FANCI: variants seen among roughly 807,000 people sequenced by gnomAD.
FANCI encodes the protein Fanconi anemia group I protein.
In FANCI, 156 loss-of-function variants were observed where a neutral mutation model predicts 176.1. That is an observed-to-expected ratio of 0.89 (90% CI 0.78 to 1.01). The LOEUF (loss-of-function observed/expected upper bound fraction) is 1.01. FANCI is among the 50% of genes least tolerant of loss of function. The pLI is 0.00. For missense variants in FANCI, 1,678 were observed against 1,534.1 expected (o/e 1.09, Z -1.57); for synonymous variants, 613 against 541.7 (o/e 1.13, Z -1.83).
At chr15:89,267,331 A>AT (rs2053007934) in intron 9 of FANCI, among the ~76,000 whole-genome samples, 13 of 145,112 alleles carry the variant, frequency 9.0e-5, no homozygotes, top group African/African-American at 3.4e-4. Flanking sequence ...AAAAAAAAAA[A>AT]ATTTTTTTTT....
chr15:89,304,719 A>T (rs1352704536), intron 28 of FANCI, among the ~76,000 whole-genome samples: 1 of 149,408 alleles, frequency 6.7e-6, no homozygotes, highest in African/African-American at 2.5e-5. Context: ...CTGGTTAGGC[A>T]CTCCACCCCA....
intron 16 of FANCI, chr15:89,282,354 ATTGT>A: frequency 1.8e-5 from 3 of 166,810 alleles, no homozygotes; most frequent in Admixed American, 1.1e-4. Flanking sequence ...GATCAAATTA[ATTGT>A]TGAGGGGAAT....
At chr15:89,316,020 GCA>G (rs1197488880) in intron 37 of FANCI, among the ~76,000 whole-genome samples, 2 of 152,178 alleles carry the variant, frequency 1.3e-5, no homozygotes, top group Admixed American at 6.6e-5. Flanking sequence ...TTTTGAACAT[GCA>G]TTCTTCAGAT....
At chr15:89,300,113 C>T (rs1022565040) in intron 25 of FANCI, 147 bp downstream of exon 25, 119 of 1,042,696 alleles carry the variant, frequency 1.1e-4, no homozygotes, top group Non-Finnish European at 1.7e-4. Flanking sequence ...AGGATTGGTA[C>T]CTACTGGATT....
At chr15:89,253,431 T>C (rs919226655) in intron 2 of FANCI, among the ~76,000 whole-genome samples, 5 of 152,122 alleles carry the variant, frequency 3.3e-5, no homozygotes, top group African/African-American at 1.2e-4. Flanking sequence ...GGAAGATCGC[T>C]TGAGCCACGA....
chr15:89,256,636 A>G (rs1308155544), intron 2 of FANCI, among the ~76,000 whole-genome samples: 1 of 151,708 alleles, frequency 6.6e-6, no homozygotes, highest in Non-Finnish European at 1.5e-5. Context: ...TCTTTCCTGG[A>G]TGGTCTCATC....
At chr15:89,290,187 T>C in intron 18 of FANCI, 26 bp from the exon 19 acceptor site, 2 of 1,585,792 alleles carry the variant, frequency 1.3e-6, no homozygotes, top group Non-Finnish European at 1.7e-6. Context: ...TTAAAGTGCT[T>C]ATTTCTTCTC....
rs368128375 is a variant in FANCI at position 89,294,058 on chromosome 15, G to A, written c.2456+61G>A. 33 of 1,565,418 alleles carry A rather than the reference G, an allele frequency of 2.1e-5. No homozygotes were observed. In the African/African-American group the frequency reaches 4.2e-4, roughly 20 times the overall value. On this transcript the variant is annotated intron_variant, in intron 23 of 37. Coordinates refer to ENST00000310775, the MANE Select transcript of FANCI (RefSeq NM_001113378.2). ...CCCTGAGGATCGTATACCTACCTAGGCTCACTTGTTTCACCTCGTTTGGAT... is the reference window on the plus strand; with the variant it reads ...CCCTGAGGATCGTATACCTACCTAGACTCACTTGTTTCACCTCGTTTGGAT...
chr15:89,247,350 A>G (rs556688959), intron 1 of FANCI, among the ~76,000 whole-genome samples: 2 of 152,344 alleles, frequency 1.3e-5, no homozygotes, highest in South Asian at 4.1e-4. Context: ...GATGGTAACA[A>G]GTGTGGGCAA....
chr15:89,308,231 G>A (rs547516224), intron 34 of FANCI: 39 of 971,328 alleles, frequency 4.0e-5, no homozygotes, highest in Middle Eastern at 5.3e-4. Context: ...GACCTGTTCT[G>A]TGCATTTTGG....
At chr15:89,300,208 CTTTT>C in intron 25 of FANCI, 88 bp from the exon 26 acceptor site, 9 of 1,291,020 alleles carry the variant, frequency 7.0e-6, no homozygotes, top group Non-Finnish European at 9.9e-6. Flanking sequence ...TGCCTTTAGA[CTTTT>C]TTTTGGCTTT....
Position 89,316,812 on chromosome 15 carries a change from A to G in FANCI, c.*353A>G. ...TTTGGTGAGTTCAATTATCTGGTAAATATCCAGCGCTTCACCTGAAAGATA... is the reference window on the plus strand; with the variant it reads ...TTTGGTGAGTTCAATTATCTGGTAAGTATCCAGCGCTTCACCTGAAAGATA... On this transcript the variant is annotated 3_prime_UTR_variant, in exon 38 of 38. Transcript: ENST00000310775. The G allele has an allele frequency of 6.2e-7, 1 of 1,613,750 alleles. No individual in the cohort carries two copies. Among genetic ancestry groups the G allele is most frequent in the Non-Finnish European group, 8.5e-7 (1 of 1,179,662 alleles).
chr15:89,277,009 G>T, intron 13 of FANCI, 118 bp downstream of exon 13: 1 of 983,510 alleles, frequency 1.0e-6, no homozygotes, highest in East Asian at 2.4e-5. Context: ...GTTTGACAGA[G>T]GATATATGAC....
intron 18 of FANCI, among the ~76,000 whole-genome samples, chr15:89,287,319 T>A (rs2053858805): frequency 6.6e-6 from 1 of 152,200 alleles, no homozygotes; most frequent in African/African-American, 2.4e-5. Context: ...TTAAACCTCA[T>A]GAACCAACCT....
At chr15:89,308,253 G>C in intron 34 of FANCI, 1 of 836,954 alleles carries the variant, frequency 1.2e-6, no homozygotes, top group Non-Finnish European at 1.4e-6. Context: ...ATGTTGAGTA[G>C]CATCCCTGGC....
chr15:89,315,328 A>G lies in FANCI; in HGVS notation c.3863A>G (p.Lys1288Arg), dbSNP rs2055185271. The G allele has an allele frequency of 6.2e-7, 1 of 1,614,120 alleles. No individual in the cohort carries two copies. Among genetic ancestry groups the G allele is most frequent in the Non-Finnish European group, 8.5e-7 (1 of 1,179,968 alleles). The change falls in exon 37 of 38, where the codon AAG becomes AGG. Residue 1288 changes from lysine (K) to arginine (R), a missense_variant. Physicochemically the swap from Lys to Arg is conservative, Grantham distance 26. This residue lies in a region of FANCI where 1,204 missense variants were observed against 1,077.4 expected (regional missense o/e 1.12). Transcript: ENST00000310775. Reference protein sequence around the residue: ...HMKLSTSRDFKIKGNILDMVL... With the variant: ...HMKLSTSRDFRIKGNILDMVL... ...AAGCTCAGCACCTCACGAGACTTCA[A>G]GATCAAAGGAAACATCCTAGACATG...
chr15:89,257,431 G>A (rs1173536873), intron 2 of FANCI, among the ~76,000 whole-genome samples: 1 of 152,186 alleles, frequency 6.6e-6, no homozygotes, highest in Admixed American at 6.5e-5. Flanking sequence ...TGTTGTCAGG[G>A]TTGGTTCCTT....
intron 2 of FANCI, among the ~76,000 whole-genome samples, chr15:89,252,645 C>A (rs934798660): frequency 9.2e-5 from 14 of 152,136 alleles, no homozygotes; most frequent in African/African-American, 3.1e-4. Flanking sequence ...GAGGCTGAGG[C>A]AGGAGAATTG....
chr15:89,268,232 CT>C (rs2053053504), intron 9 of FANCI, among the ~76,000 whole-genome samples, 166 bp from the exon 10 acceptor site: 1 of 152,120 alleles, frequency 6.6e-6, no homozygotes, highest in African/African-American at 2.4e-5. Context: ...GTAGCTGGGA[CT>C]ATAGGAATGC....
Sources: gnomAD v4.1 joint callset for allele counts (sites outside exome capture counted in the v4.1 genomes callset) on GRCh38, gnomAD v4.1.1 for gene constraint, gnomAD v4.1.1 regional missense constraint, MANE v1.5 for transcripts, NCBI Gene and HGNC (gene_info 2026-07-23, HGNC 2026-07-21) for gene names.